RSU1: variants seen among roughly 807,000 people sequenced by gnomAD.
RSU1 encodes Ras suppressor protein 1, also known as rsu-1.
A neutral mutation model predicts 31.1 loss-of-function variants in RSU1; 26 were observed. That is an observed-to-expected ratio of 0.84 (90% confidence interval 0.61 to 1.16). The LOEUF (loss-of-function observed/expected upper bound fraction) is 1.16. Ranked by LOEUF, RSU1 falls within the 50% of genes most tolerant of loss-of-function variation. The pLI is 0.00. For missense variants in RSU1, 320 were observed against 339.1 expected, an observed-to-expected ratio of 0.94 and a Z score of 0.44; for synonymous variants, 164 against 136.3, an observed-to-expected ratio of 1.20 and a Z score of -1.41.
chr10:16,739,913 A>T (rs1400074299), intron 7 of RSU1, among the ~76,000 whole-genome samples: 1 of 152,090 alleles, frequency 6.6e-6, no homozygotes, highest in East Asian at 1.9e-4. Flanking sequence ...GCCCGGCCAA[A>T]ATGTACATTT....
chr10:16,608,042 G>A (rs1334570256), intron 8 of RSU1, among the ~76,000 whole-genome samples: 3 of 151,840 alleles, frequency 2.0e-5, no homozygotes, highest in Non-Finnish European at 4.4e-5. Context: ...TGTTTCCCAC[G>A]CTAGTCTTGA....
At chr10:16,652,589 G>T (rs1017156236) in intron 8 of RSU1, among the ~76,000 whole-genome samples, 1 of 152,000 alleles carries the variant, frequency 6.6e-6, no homozygotes, top group African/African-American at 2.4e-5. Flanking sequence ...CTGTACAAAT[G>T]TATGTAAATT....
chr10:16,772,194 G>A (rs577758807), intron 3 of RSU1, among the ~76,000 whole-genome samples: 1 of 152,326 alleles, frequency 6.6e-6, no homozygotes, highest in South Asian at 2.1e-4. Context: ...ATAAGCAAGT[G>A]ATAAGGTCGA....
At chr10:16,597,314 A>G (rs1272157591) in intron 8 of RSU1, among the ~76,000 whole-genome samples, 1 of 152,162 alleles carries the variant, frequency 6.6e-6, no homozygotes, top group African/African-American at 2.4e-5. Context: ...GCGAACTGGA[A>G]TGTTCCACTG....
chr10:16,774,689 T>C (rs1237207755), intron 3 of RSU1, among the ~76,000 whole-genome samples: 1 of 152,226 alleles, frequency 6.6e-6, no homozygotes, highest in Non-Finnish European at 1.5e-5. Context: ...AAAGAATTCA[T>C]GGATGAACAC....
At chr10:16,764,349 A>G (rs1449350986) in intron 4 of RSU1, 41 bp downstream of exon 4, 1 of 1,570,806 alleles carries the variant, frequency 6.4e-7, no homozygotes. Flanking sequence ...TGCCCCTTCC[A>G]CTCTCTTCCT....
rs906656248 is a variant in RSU1, at chr10:16,592,332, A to G, written c.*1062T>C. The G allele has an allele frequency of 6.6e-6, 1 of 152,186 alleles. No homozygotes were observed. Among genetic ancestry groups the G allele is most frequent in the African/African-American group, 2.4e-5 (1 of 41,452 alleles). 9.4% of individuals were successfully genotyped at this position (152,186 alleles called of 1,614,324 possible). On this transcript the variant is annotated 3_prime_UTR_variant, in exon 9 of 9. Transcript: ENST00000345264. Reference sequence around the variant, plus strand: ...GGTTGACAGCCCTTTCAGTGAGCACAAAACCTCAGCTTGCATTTATTTTGA... The same window carrying G: ...GGTTGACAGCCCTTTCAGTGAGCACGAAACCTCAGCTTGCATTTATTTTGA...
rs1319974890 is a variant in RSU1, at chr10:16,727,291, C to A, written c.598+25248G>T. 9.2e-6 allele frequency: 3 copies of A among 327,096 alleles called. No homozygotes were observed. The East Asian group carries it at 2.6e-4, about 28-fold the overall frequency. 20.3% of individuals were successfully genotyped at this position (327,096 alleles called of 1,614,324 possible). ...TGATTGGAGGCAAATGGACACAAAT[C>A]CTCCCAAAGCACCCAATTCAACTTT... On this transcript the variant is annotated intron_variant, in intron 7 of 8. Coordinates refer to ENST00000345264, the MANE Select transcript of RSU1 (RefSeq NM_012425.4).
At chr10:16,723,627 C>T (rs1454477464) in intron 7 of RSU1, among the ~76,000 whole-genome samples, 1 of 152,164 alleles carries the variant, frequency 6.6e-6, no homozygotes, top group African/African-American at 2.4e-5. Context: ...AGTTTACCCC[C>T]TCTGGTTAAA....
chr10:16,758,483 T>C (rs540178827), intron 4 of RSU1, among the ~76,000 whole-genome samples: 1 of 152,112 alleles, frequency 6.6e-6, no homozygotes, highest in Non-Finnish European at 1.5e-5. Flanking sequence ...GTAGGAAAAG[T>C]ATGGAGCTTT....
chr10:16,786,165 C>T (rs1213377396), intron 2 of RSU1, among the ~76,000 whole-genome samples: 1 of 152,196 alleles, frequency 6.6e-6, no homozygotes, highest in East Asian at 1.9e-4. Flanking sequence ...CAGCCGAACC[C>T]ATGACAAAGA....
chr10:16,620,508 A>G (rs1020428100), intron 8 of RSU1, among the ~76,000 whole-genome samples: 7 of 151,594 alleles, frequency 4.6e-5, no homozygotes, highest in Non-Finnish European at 1.0e-4. Context: ...GGTCAAGACA[A>G]TCTTCCATTT....
chr10:16,665,586 A>G (rs1415474550), intron 8 of RSU1, among the ~76,000 whole-genome samples: 1 of 152,262 alleles, frequency 6.6e-6, no homozygotes, highest in Non-Finnish European at 1.5e-5. Flanking sequence ...TTTATGTAAG[A>G]GAAATATTTT....
chr10:16,789,257 G>C (rs10904811), intron 2 of RSU1, among the ~76,000 whole-genome samples: 48,430 of 151,994 alleles, frequency 0.32, 9,264 homozygotes, highest in African/African-American at 0.55. Context: ...CGTTGCTTCA[G>C]CCGATCACAC....
At chr10:16,644,828 T>G (rs914172727) in intron 8 of RSU1, among the ~76,000 whole-genome samples, 1 of 152,146 alleles carries the variant, frequency 6.6e-6, no homozygotes, top group Non-Finnish European at 1.5e-5. Context: ...CAGGTTAAAT[T>G]ACATTTAAGA....
At position 16,646,773 on chromosome 10, in the gene RSU1, A is replaced by G. The variant is rs1382885921; in HGVS notation, c.731+48250T>C. ...AATATTAAAATATGTGAGTAAGCAC[A>G]TGGATAAGATGTCCAGCATCAAAGC... is the stretch of plus-strand genomic sequence containing the variant. On this transcript the variant is annotated intron_variant, in intron 8 of 8. Coordinates refer to ENST00000345264, the MANE Select transcript of RSU1 (RefSeq NM_012425.4). 3.9e-5 allele frequency among the ~76,000 whole-genome samples: 6 copies of G among 152,224 alleles called. No individual in the cohort carries two copies. In the East Asian group the frequency reaches 1.2e-3, roughly 29 times the overall value.
chr10:16,698,586 G>C (rs532838061), intron 7 of RSU1, among the ~76,000 whole-genome samples: 7 of 152,276 alleles, frequency 4.6e-5, no homozygotes, highest in African/African-American at 1.7e-4. Flanking sequence ...GGGCCCTTTT[G>C]TCTGAAGCCT....
chr10:16,634,008 T>G (rs947930291), intron 8 of RSU1, among the ~76,000 whole-genome samples: 1 of 152,214 alleles, frequency 6.6e-6, no homozygotes, highest in Non-Finnish European at 1.5e-5. Flanking sequence ...GATCTCACAC[T>G]GACGTTCAAT....
At chr10:16,681,911 T>C (rs927633774) in intron 8 of RSU1, among the ~76,000 whole-genome samples, 2 of 152,212 alleles carry the variant, frequency 1.3e-5, no homozygotes, top group Admixed American at 6.5e-5. Context: ...ATATTCCTTA[T>C]TTCCCCTTCT....
Sources: gnomAD v4.1 joint callset for allele counts (sites outside exome capture counted in the v4.1 genomes callset) on GRCh38, gnomAD v4.1.1 for gene constraint, MANE v1.5 for transcripts, NCBI Gene and HGNC (gene_info 2026-07-23, HGNC 2026-07-21) for gene names.